Variants in ARHGEF28 observed in about 807,000 individuals in gnomAD.
ARHGEF28 encodes Rho guanine nucleotide exchange factor 28, also known as 190 kDa guanine nucleotide exchange factor.
ARHGEF28 carries 152 observed loss-of-function variants against 206.6 expected under a neutral mutation model. The ratio of observed to expected loss-of-function variants is 0.74; its 90% confidence interval spans 0.64 to 0.84. The LOEUF (loss-of-function observed/expected upper bound fraction) is 0.84. Ranked by LOEUF, ARHGEF28 falls within the 40% of genes least tolerant of loss-of-function variation. The pLI, the probability that ARHGEF28 is intolerant of heterozygous loss-of-function variation, is 0.00. For missense variants in ARHGEF28, 2,028 were observed against 2,073.2 expected (o/e 0.98, Z 0.42); for synonymous variants, 763 against 776.4 (o/e 0.98, Z 0.29).
intron 2 of ARHGEF28, among the ~76,000 whole-genome samples, chr5:73,720,383 C>T (rs75174613): frequency 0.054 from 8,173 of 151,938 alleles, 242 homozygotes; most frequent in East Asian, 0.1. Context: ...GGTAGTTTGA[C>T]GGGAGGGAAG....
chr5:73,818,326 T>G (rs1756357183), intron 9 of ARHGEF28, among the ~76,000 whole-genome samples: 1 of 152,162 alleles, frequency 6.6e-6, no homozygotes, highest in African/African-American at 2.4e-5. Flanking sequence ...TGATGGCATT[T>G]TAGAAATGTT....
intron 1 of ARHGEF28, among the ~76,000 whole-genome samples, chr5:73,645,969 C>T (rs760196216): frequency 6.6e-6 from 1 of 152,040 alleles, no homozygotes; most frequent in Non-Finnish European, 1.5e-5. Flanking sequence ...TGGTACCATA[C>T]TTAAGCACTG....
At chr5:73,654,573 C>A (rs1452335226) in intron 1 of ARHGEF28, among the ~76,000 whole-genome samples, 1 of 152,126 alleles carries the variant, frequency 6.6e-6, no homozygotes, top group African/African-American at 2.4e-5. Flanking sequence ...AAACACGGAA[C>A]CAGAAATCTG....
At chr5:73,858,917 C>T (rs1759216433) in intron 16 of ARHGEF28, among the ~76,000 whole-genome samples, 1 of 152,204 alleles carries the variant, frequency 6.6e-6, no homozygotes, top group Non-Finnish European at 1.5e-5. Context: ...TCCCTCTGCT[C>T]CAGTCACACT....
At chr5:73,808,218 T>C (rs1755627054) in intron 9 of ARHGEF28, among the ~76,000 whole-genome samples, 1 of 152,170 alleles carries the variant, frequency 6.6e-6, no homozygotes, top group African/African-American at 2.4e-5. Flanking sequence ...GTGAATTCAA[T>C]TTTATGGGCT....
At position 73,776,572 on chromosome 5, in the gene ARHGEF28, C is replaced by A. The variant is rs1753554716; in HGVS notation, c.716C>A (p.Ser239Tyr). 1 of 1,613,904 alleles carries A rather than the reference C, an allele frequency of 6.2e-7. No individual in the cohort carries two copies. The highest frequency in any genetic ancestry group is 8.5e-7 in the Non-Finnish European group (1 of 1,179,820). The stretch of plus-strand genomic sequence containing the variant: ...CGAGTGCAGCTCAGTGAAGAAGCCT[C>A]CTTGCATTACATTCACTCATCGGAA... The part of the protein sequence containing the change: ...FSRVQLSEEA[S>Y]LHYIHSSETL... The change falls in exon 6 of 36, where the codon TCC becomes TAC. Residue 239 changes from serine to tyrosine, a missense_variant. Ser to Tyr is a moderately radical substitution (Grantham distance 144). This residue lies in a region of ARHGEF28 where 1,002 missense variants were observed against 1,015.3 expected (regional missense o/e 0.99). Coordinates refer to ENST00000513042, the MANE Select transcript of ARHGEF28 (RefSeq NM_001177693.2).
At chr5:73,735,815 G>A (rs918479486) in intron 2 of ARHGEF28, among the ~76,000 whole-genome samples, 1 of 152,152 alleles carries the variant, frequency 6.6e-6, no homozygotes, top group African/African-American at 2.4e-5. Context: ...ACAGCCTGGC[G>A]ATAATAAACT....
intron 16 of ARHGEF28, among the ~76,000 whole-genome samples, 162 bp from the exon 17 acceptor site, chr5:73,864,655 A>G (rs1208810495): frequency 6.6e-6 from 1 of 152,214 alleles, no homozygotes; most frequent in Non-Finnish European, 1.5e-5. Context: ...AGTGGTGAGG[A>G]TACATGTGAT....
At chr5:73,688,015 T>C (rs1217899879) in intron 2 of ARHGEF28, among the ~76,000 whole-genome samples, 1 of 152,164 alleles carries the variant, frequency 6.6e-6, no homozygotes, top group African/African-American at 2.4e-5. Context: ...GACTATTTCT[T>C]TTGGAAAAAC....
chr5:73,654,754 A>G (rs956092670), intron 1 of ARHGEF28, among the ~76,000 whole-genome samples: 1 of 152,204 alleles, frequency 6.6e-6, no homozygotes. Context: ...CAGATTCATC[A>G]TGGTGTCAGG....
intron 26 of ARHGEF28, among the ~76,000 whole-genome samples, chr5:73,889,893 ATCT>A (rs1476197393): frequency 6.6e-6 from 1 of 152,256 alleles, no homozygotes; most frequent in Non-Finnish European, 1.5e-5. Flanking sequence ...AGGATTGCTC[ATCT>A]TCTGCTTTCC....
intron 1 of ARHGEF28, among the ~76,000 whole-genome samples, chr5:73,662,120 C>T (rs1009079007): frequency 3.9e-5 from 6 of 152,202 alleles, no homozygotes; most frequent in Non-Finnish European, 5.9e-5. Context: ...GATTACATTT[C>T]TTTTCCAGAA....
chr5:73,758,398 G>A (rs1280607660), intron 4 of ARHGEF28, among the ~76,000 whole-genome samples: 1 of 152,112 alleles, frequency 6.6e-6, no homozygotes, highest in African/African-American at 2.4e-5. Flanking sequence ...AATTACTATT[G>A]TTTTCAAAAA....
intron 1 of ARHGEF28, among the ~76,000 whole-genome samples, chr5:73,650,277 CTTTTTTTTTTTTTTT>C (rs138217794): frequency 4.3e-5 from 4 of 94,030 alleles, no homozygotes; most frequent in East Asian, 3.1e-4. Context: ...TTCTTTCTTT[CTTTTTTTTTTTTTTT>C]TTTTTTTTTT....
Position 73,857,616 on chromosome 5 carries a change from T to G in ARHGEF28, c.1791-40T>G. On this transcript the variant is annotated intron_variant, in intron 14 of 35. Transcript: ENST00000513042. ...ACACACACGTATATGCTATTCTTCC[T>G]AAGTCATATGAGCCATGATAACAGA... 5 of 1,546,608 alleles carry G rather than the reference T, an allele frequency of 3.2e-6. No individual in the cohort carries two copies. The South Asian group carries it at 6.0e-5, about 19-fold the overall frequency.
At chr5:73,704,451 G>T (rs897810184) in intron 2 of ARHGEF28, among the ~76,000 whole-genome samples, 6 of 152,024 alleles carry the variant, frequency 3.9e-5, no homozygotes, top group African/African-American at 1.4e-4. Flanking sequence ...TTGAGATAGG[G>T]TCTCACTCTG....
At chr5:73,895,497 G>A (rs1409086816) in intron 29 of ARHGEF28, among the ~76,000 whole-genome samples, 5 of 152,130 alleles carry the variant, frequency 3.3e-5, no homozygotes, top group African/African-American at 7.2e-5. Flanking sequence ...TGAGGGCAGC[G>A]GCTTCAAGGC....
intron 31 of ARHGEF28, 23 bp downstream of exon 31, chr5:73,901,307 T>C (rs1328743988): frequency 6.3e-7 from 1 of 1,599,054 alleles, no homozygotes; most frequent in African/African-American, 1.3e-5. Flanking sequence ...GATTTGTTAG[T>C]AAACGGCAGC....
At chr5:73,742,753 A>G (rs1341558532) in intron 2 of ARHGEF28, among the ~76,000 whole-genome samples, 1 of 149,490 alleles carries the variant, frequency 6.7e-6, no homozygotes, top group Non-Finnish European at 1.5e-5. Context: ...GAACCCGGGA[A>G]GCAGAGCTTG....
Sources: allele counts gnomAD v4.1 joint callset (sites outside exome capture counted in the v4.1 genomes callset), GRCh38; gene constraint gnomAD v4.1.1; regional missense constraint gnomAD v4.1.1; transcripts MANE v1.5; gene names NCBI Gene and HGNC (gene_info 2026-07-23, HGNC 2026-07-21).